Variants in TMCO4 observed in about 807,000 individuals in gnomAD.
The protein encoded by TMCO4 is transmembrane and coiled-coil domain-containing protein 4.
TMCO4 carries 58 observed loss-of-function variants against 64.7 expected under a neutral mutation model. The observed-to-expected ratio is 0.90, with a 90% CI of 0.73 to 1.12. The LOEUF is 1.12. Among genes scored for constraint, TMCO4 ranks in the 50% most tolerant of loss-of-function variants. The pLI is 0.00. For missense variants in TMCO4, 780 were observed against 825.9 expected (o/e 0.94, Z 0.68); for synonymous variants, 325 against 346.1 (o/e 0.94, Z 0.68).
chr1:19,771,233 A>AT (rs2042966448), intron 5 of TMCO4, 75 bp downstream of exon 5: 5 of 1,529,196 alleles, frequency 3.3e-6, no homozygotes, highest in South Asian at 2.5e-5. Flanking sequence ...ACTAGAAGTG[A>AT]TTTTTTAGGC....
chr1:19,684,159 T>TTC (rs3048970), intron 15 of TMCO4, among the ~76,000 whole-genome samples: 4 of 141,078 alleles, frequency 2.8e-5, no homozygotes, highest in South Asian at 2.4e-4. Context: ...GAGAGATGGG[T>TTC]TCTCTCTCTC....
intron 15 of TMCO4, among the ~76,000 whole-genome samples, chr1:19,691,199 GT>G (rs1303057175): frequency 6.6e-6 from 1 of 152,090 alleles, no homozygotes; most frequent in Admixed American, 6.5e-5. Context: ...GGAGCAACCA[GT>G]TTCATAAATG....
At chr1:19,750,076 T>C (rs532563633) in intron 7 of TMCO4, 1 of 152,322 alleles carries the variant, frequency 6.6e-6, no homozygotes, top group South Asian at 2.1e-4. Flanking sequence ...GTGACTACCA[T>C]CCTGTAATTA....
chr1:19,717,945 T>A lies in TMCO4; in HGVS notation c.1265-17060A>T, dbSNP rs552896240. Among the ~76,000 whole-genome samples the A allele has an allele frequency of 3.3e-3, 507 of 152,282 alleles. 9 individuals are homozygous for A. The highest frequency in any genetic ancestry group is 0.012 in the African/African-American group (493 of 41,556). Reference sequence around the variant, plus strand: ...GGGTTAACAGGAAATGGTTTAGACATACATGAATTAGAATCCCAGGCTTGC... The same window carrying A: ...GGGTTAACAGGAAATGGTTTAGACAAACATGAATTAGAATCCCAGGCTTGC... On this transcript the variant is annotated intron_variant, in intron 13 of 15. Coordinates refer to ENST00000294543, the MANE Select transcript of TMCO4 (RefSeq NM_181719.7).
In TMCO4 at chr1:19,747,184, C is replaced by T. The variant is rs775363242; in HGVS notation, c.592G>A (p.Val198Ile). 1.2e-6 allele frequency: 2 copies of T among 1,614,094 alleles called. No homozygotes were observed. The highest frequency in any genetic ancestry group is 3.3e-5 in the Admixed American group (2 of 60,020). Residue 198 changes from valine to isoleucine, a missense_variant, in exon 8 of 16, where the codon GTC becomes ATC. Physicochemically the swap from Val to Ile is conservative, Grantham distance 29. Coordinates refer to ENST00000294543, the MANE Select transcript of TMCO4 (RefSeq NM_181719.7). ...KRYLLIGLAT[V>I]GGGTVIGVTG... is the part of the protein sequence containing the mutation. ...TCACCGATCACCGTTCCGCCTCCGA[C>T]AGTCGCCAGGCCTATCAGGAGATAA...
intron 6 of TMCO4, among the ~76,000 whole-genome samples, chr1:19,762,294 C>T (rs2042540551): frequency 1.3e-5 from 2 of 152,174 alleles, no homozygotes; most frequent in African/African-American, 4.8e-5. Context: ...GCCACAGGCA[C>T]ACCTAAAAGT....
rs553156935 is a variant in TMCO4, at chr1:19,759,195, T to C, written c.383-3429A>G. On this transcript the variant is annotated intron_variant, in intron 6 of 15. Transcript: ENST00000294543. ...ATTGCTCTTAGTTCTTGTTTCCCTG[T>C]CCCGACATGTAACCCAACAGCTGAT... is the stretch of plus-strand genomic sequence containing the variant. Among the ~76,000 whole-genome samples, 51 of 150,996 alleles carry C rather than the reference T, an allele frequency of 3.4e-4. No homozygotes were observed. In the South Asian group the frequency reaches 6.4e-3, roughly 19 times the overall value.
intron 6 of TMCO4, among the ~76,000 whole-genome samples, chr1:19,763,908 G>A (rs2100986496): frequency 6.6e-6 from 1 of 152,310 alleles, no homozygotes; most frequent in East Asian, 1.9e-4. Flanking sequence ...AGCCCTCACA[G>A]GGCAGTCTAA....
intron 13 of TMCO4, among the ~76,000 whole-genome samples, chr1:19,702,393 A>C (rs1417421571): frequency 6.6e-6 from 1 of 151,986 alleles, no homozygotes; most frequent in African/African-American, 2.4e-5. Context: ...GGATTTAGAG[A>C]CTAGCCTTGC....
intron 3 of TMCO4, among the ~76,000 whole-genome samples, chr1:19,783,237 C>A (rs1336611852): frequency 2.0e-5 from 3 of 152,172 alleles, no homozygotes; most frequent in African/African-American, 7.2e-5. Context: ...GTTCAGTTTG[C>A]AAATTAGGAA....
At position 19,694,508 on chromosome 1, in the gene TMCO4, G is replaced by A. The variant is rs1473528792; in HGVS notation, c.1426C>T (p.Gln476Ter). 2 of 1,614,116 alleles carry A rather than the reference G, an allele frequency of 1.2e-6. No homozygotes were observed. ...GGCTGTAGGCCGGCGACACGGAGCT[G>A]CACCGAGGATGTGCGGTACACGAAA... is the stretch of plus-strand genomic sequence containing the variant. ...LSFVYRTSSV[Q>*]LRVAGLQPVL... is the part of the protein sequence containing the mutation. The change falls in exon 15 of 16, where the codon CAG becomes TAG. Residue 476 changes from glutamine to a stop codon, truncating the protein, a stop_gained. Coordinates refer to ENST00000294543, the MANE Select transcript of TMCO4 (RefSeq NM_181719.7). LOFTEE classifies it high-confidence loss of function.
At chr1:19,713,813 T>C (rs2100696933) in intron 13 of TMCO4, among the ~76,000 whole-genome samples, 1 of 152,284 alleles carries the variant, frequency 6.6e-6, no homozygotes, top group South Asian at 2.1e-4. Context: ...CTCTCCCCTA[T>C]TCTCTTTTTC....
chr1:19,737,879 T>C (rs780038732), intron 12 of TMCO4, among the ~76,000 whole-genome samples: 1 of 152,030 alleles, frequency 6.6e-6, no homozygotes, highest in Non-Finnish European at 1.5e-5. Context: ...CACCCCCAGG[T>C]GTGAGGGGTA....
In TMCO4 at chr1:19,683,211, G is replaced by A. The variant is rs151025889; in HGVS notation, c.1734C>T (p.Asp578=). Residue 578 remains aspartate (D), a synonymous_variant, in exon 16 of 16, where the codon GAC becomes GAT. Transcript: ENST00000294543. ...GDTSKLAMST[D]PSQAQVPVGL... is the part of the protein sequence containing the mutation. ...CTACTGGCACCTGGGCTTGGCTGGG[G>A]TCTGTGGACATGGCCAATTTGGAGG... The A allele has an allele frequency of 1.1e-3, 1,787 of 1,614,224 alleles. 6 individuals are homozygous for A. The highest frequency in any genetic ancestry group is 1.4e-3 in the Non-Finnish European group (1,652 of 1,180,036).
At chr1:19,795,960 A>G (rs987105408) in intron 2 of TMCO4, among the ~76,000 whole-genome samples, 5 of 152,190 alleles carry the variant, frequency 3.3e-5, no homozygotes, top group African/African-American at 9.7e-5. Flanking sequence ...ATCCTCAGCT[A>G]AACTGCACTC....
intron 13 of TMCO4, among the ~76,000 whole-genome samples, chr1:19,716,241 G>T (rs188926519): frequency 1.3e-5 from 2 of 150,298 alleles, no homozygotes; most frequent in Admixed American, 1.3e-4. Flanking sequence ...CTGGAGCGCA[G>T]TGGCACAATC....
Position 19,732,235 on chromosome 1 carries a change from G to A in TMCO4, c.1264+5137C>T, listed in dbSNP as rs919031253. ...CACCCAGGCTGGAGTGCAGTGGCACGATCATGGCTCACTGCATCTTCAACC... is the reference window on the plus strand; with the variant it reads ...CACCCAGGCTGGAGTGCAGTGGCACAATCATGGCTCACTGCATCTTCAACC... On this transcript the variant is annotated intron_variant, in intron 13 of 15. Transcript: ENST00000294543. The surrounding 1 kb of genome is among the most constrained non-coding windows in gnomAD (Gnocchi z 4.8). Among the ~76,000 whole-genome samples, 7 of 152,300 alleles carry A rather than the reference G, an allele frequency of 4.6e-5. No individual in the cohort carries two copies. The highest frequency in any genetic ancestry group is 1.9e-4 in the East Asian group (1 of 5,182).
At chr1:19,782,203 T>C (rs929008806) in intron 3 of TMCO4, among the ~76,000 whole-genome samples, 2 of 152,128 alleles carry the variant, frequency 1.3e-5, no homozygotes, top group Non-Finnish European at 2.9e-5. Context: ...ATTCATACTG[T>C]GAAACATTAC....
chr1:19,771,298 T>C lies in TMCO4; in HGVS notation c.354+10A>G, dbSNP rs777182360. 12 of 1,611,726 alleles carry C rather than the reference T, an allele frequency of 7.4e-6. 1 individual carries two copies. In the South Asian group the frequency reaches 1.1e-4, roughly 15 times the overall value. On this transcript the variant is annotated intron_variant, in intron 5 of 15. Transcript: ENST00000294543. ...TGTCCCCAGCAGCCACCACCAGGTG[T>C]TGGGTGTACCTGAGTGATCACCGTC... is the stretch of plus-strand genomic sequence containing the variant.
Sources: allele counts gnomAD v4.1 joint callset (sites outside exome capture counted in the v4.1 genomes callset), GRCh38; gene constraint gnomAD v4.1.1; non-coding constraint Gnocchi (gnomAD v3.1); transcripts MANE v1.5; gene names NCBI Gene and HGNC (gene_info 2026-07-23, HGNC 2026-07-21).